Variants in SCFD1 observed in about 807,000 individuals in gnomAD.
SCFD1 encodes the protein sec1 family domain containing 1.
A neutral mutation model predicts 103.2 loss-of-function variants in SCFD1; 37 were observed. That is an observed-to-expected ratio of 0.36 (90% CI 0.28 to 0.47). SCFD1 has a LOEUF of 0.47. Among genes scored for constraint, SCFD1 ranks in the 20% least tolerant of loss-of-function variants. SCFD1 has a pLI of 1.00. For missense variants in SCFD1, 639 were observed against 761.2 expected (o/e 0.84, Z 1.89); for synonymous variants, 264 against 245.0 (o/e 1.08, Z -0.73).
At chr14:30,639,907 G>C in intron 6 of SCFD1, 43 bp downstream of exon 6, 1 of 1,547,958 alleles carries the variant, frequency 6.5e-7, no homozygotes, top group Non-Finnish European at 8.7e-7. Context: ...TTAACAAAAT[G>C]AATGGTATAC....
intron 19 of SCFD1, among the ~76,000 whole-genome samples, chr14:30,712,909 T>C (rs777307328): frequency 6.6e-6 from 1 of 152,214 alleles, no homozygotes; most frequent in Non-Finnish European, 1.5e-5. Flanking sequence ...AAATTTTATT[T>C]ATACCCCTTT....
Position 30,628,241 on chromosome 14 carries a change from C to T in SCFD1, c.94C>T (p.Pro32Ser). The part of the protein sequence containing the change: ...ALKRMLNFNV[P>S]HIKNSTGEPV... ...GAAGCGTATGTTGAATTTCAATGTG[C>T]CTCATATTAAAAACAGCACAGGAGA... Residue 32 changes from proline to serine, a missense_variant, in exon 2 of 25, where the codon CCT (proline) becomes TCT (serine). Pro to Ser is a moderately conservative substitution (Grantham distance 74). Coordinates refer to ENST00000458591, the MANE Select transcript of SCFD1 (RefSeq NM_016106.4). The T allele has an allele frequency of 6.2e-7, 1 of 1,611,544 alleles. No homozygotes were observed.
Position 30,641,276 on chromosome 14 carries a change from C to T in SCFD1, c.523+1412C>T, listed in dbSNP as rs1336022335. On this transcript the variant is annotated intron_variant, in intron 6 of 24. Coordinates refer to ENST00000458591, the MANE Select transcript of SCFD1 (RefSeq NM_016106.4). ...ATTTGCAAATATTTTTCATTCTAAACTTTCCATGGATTGGGAGCAAGGAGA... is the reference window on the plus strand; with the variant it reads ...ATTTGCAAATATTTTTCATTCTAAATTTTCCATGGATTGGGAGCAAGGAGA... Among the ~76,000 whole-genome samples the T allele has an allele frequency of 2.6e-5, 4 of 152,262 alleles. No homozygotes were observed. In the East Asian group the frequency reaches 7.7e-4, roughly 29 times the overall value.
intron 23 of SCFD1, among the ~76,000 whole-genome samples, chr14:30,727,107 C>T (rs796887487): frequency 1.3e-5 from 2 of 152,118 alleles, no homozygotes; most frequent in East Asian, 1.9e-4. Flanking sequence ...GTAAGCCCAC[C>T]TAGTTATCCT....
chr14:30,734,559 A>G, intron 23 of SCFD1: 1 of 463,942 alleles, frequency 2.2e-6, no homozygotes, highest in Non-Finnish European at 3.9e-6. Flanking sequence ...AATGGCACCA[A>G]TAGTATGCCA....
chr14:30,732,766 ATGT>A (rs1411661095), intron 23 of SCFD1, among the ~76,000 whole-genome samples: 1 of 152,190 alleles, frequency 6.6e-6, no homozygotes, highest in Non-Finnish European at 1.5e-5. Flanking sequence ...TTATTTAGTA[ATGT>A]TGTTAATCTA....
chr14:30,695,494 C>T (rs1172929657), intron 15 of SCFD1, among the ~76,000 whole-genome samples: 1 of 151,912 alleles, frequency 6.6e-6, no homozygotes, highest in Non-Finnish European at 1.5e-5. Flanking sequence ...TACCAGAGGC[C>T]AGGAAAGGGA....
intron 10 of SCFD1, among the ~76,000 whole-genome samples, chr14:30,656,974 A>C (rs1886965033): frequency 6.6e-6 from 1 of 152,148 alleles, no homozygotes; most frequent in African/African-American, 2.4e-5. Context: ...ATTAATGGGC[A>C]TAATAAGATA....
chr14:30,659,607 T>A (rs2139146950), intron 10 of SCFD1, among the ~76,000 whole-genome samples: 1 of 152,288 alleles, frequency 6.6e-6, no homozygotes, highest in African/African-American at 2.4e-5. Flanking sequence ...TTCCAGCTCA[T>A]GAGTCCTAGG....
Position 30,669,544 on chromosome 14 carries a change from G to A in SCFD1, c.856-712G>A, listed in dbSNP as rs148602663. ...TTTGGTTTGGTTTTGGGTTTTGGGGGGTTTTTTGGTTTTTTTTACAGAAAA... is the reference window on the plus strand; with the variant it reads ...TTTGGTTTGGTTTTGGGTTTTGGGGAGTTTTTTGGTTTTTTTTACAGAAAA... On this transcript the variant is annotated intron_variant, in intron 10 of 24. Transcript: ENST00000458591. Among the ~76,000 whole-genome samples the A allele has an allele frequency of 5.2e-3, 782 of 150,458 alleles. 8 individuals carry two copies. Among genetic ancestry groups the A allele is most frequent in the African/African-American group, 0.018 (719 of 40,480 alleles).
chr14:30,632,045 TGAAAA>T (rs1566576606), intron 3 of SCFD1, among the ~76,000 whole-genome samples: 2 of 81,204 alleles, frequency 2.5e-5, no homozygotes, highest in African/African-American at 1.3e-4. Flanking sequence ...AAGATTCTGT[TGAAAA>T]AAAAAAAAAA....
At chr14:30,692,479 A>G (rs1890385529) in intron 14 of SCFD1, among the ~76,000 whole-genome samples, 1 of 152,202 alleles carries the variant, frequency 6.6e-6, no homozygotes, top group Non-Finnish European at 1.5e-5. Context: ...TTGAAGGAAG[A>G]GTTGTAGAAA....
intron 20 of SCFD1, among the ~76,000 whole-genome samples, chr14:30,716,204 G>A (rs989400603): frequency 6.6e-6 from 1 of 152,120 alleles, no homozygotes; most frequent in African/African-American, 2.4e-5. Context: ...TCATTCAAAT[G>A]TCATGTAGAT....
chr14:30,666,660 CTAA>C (rs1275087038), intron 10 of SCFD1, among the ~76,000 whole-genome samples: 1 of 151,810 alleles, frequency 6.6e-6, no homozygotes, highest in Non-Finnish European at 1.5e-5. Flanking sequence ...GCTAGCAAGA[CTAA>C]TAAAGAAGAA....
chr14:30,667,221 T>C (rs1056617620), intron 10 of SCFD1, among the ~76,000 whole-genome samples: 12 of 152,198 alleles, frequency 7.9e-5, no homozygotes, highest in African/African-American at 1.2e-4. Context: ...ACAAGTTGGC[T>C]TCATCCCTGG....
chr14:30,712,647 G>T (rs1009248869), intron 19 of SCFD1, among the ~76,000 whole-genome samples: 2 of 152,014 alleles, frequency 1.3e-5, no homozygotes, highest in Non-Finnish European at 2.9e-5. Flanking sequence ...AGGATTTTTG[G>T]AAATAGATTT....
chr14:30,707,937 A>T, intron 18 of SCFD1, 53 bp from the exon 19 acceptor site: 2 of 1,179,386 alleles, frequency 1.7e-6, no homozygotes, highest in Middle Eastern at 3.8e-4. Flanking sequence ...TCGATAACAG[A>T]TTGGAGAGGC....
intron 15 of SCFD1, among the ~76,000 whole-genome samples, chr14:30,696,995 G>C (rs1890745809): frequency 6.6e-6 from 1 of 152,170 alleles, no homozygotes; most frequent in South Asian, 2.1e-4. Flanking sequence ...ATTGGAATTA[G>C]AGGTGTTGGT....
chr14:30,703,921 A>G (rs1414165569), intron 17 of SCFD1, among the ~76,000 whole-genome samples: 6 of 38,300 alleles, frequency 1.6e-4, no homozygotes, highest in Middle Eastern at 8.6e-3. Context: ...ATATATATAT[A>G]TATATATATA....
Sources: allele counts gnomAD v4.1 joint callset (sites outside exome capture counted in the v4.1 genomes callset), GRCh38; gene constraint gnomAD v4.1.1; transcripts MANE v1.5; gene names NCBI Gene and HGNC (gene_info 2026-07-23, HGNC 2026-07-21).